The following MYL1 variants were observed in gnomAD, a reference collection of about 807,000 sequenced individuals.
MYL1 encodes myosin light chain 1/3, skeletal muscle isoform.
Under a neutral mutation model 21.8 loss-of-function variants are expected in MYL1, and 16 were observed. The observed-to-expected ratio is 0.74, with a 90% CI of 0.50 to 1.12. The LOEUF is 1.12. Ranked by LOEUF, MYL1 falls within the 50% of genes most tolerant of loss-of-function variation. MYL1 has a pLI of 0.00. For missense variants in MYL1, 246 were observed against 241.0 expected, an observed-to-expected ratio of 1.02 and a Z score of -0.14; for synonymous variants, 99 against 85.2, an observed-to-expected ratio of 1.16 and a Z score of -0.89.
intron 2 of MYL1, among the ~76,000 whole-genome samples, chr2:210,300,560 C>A (rs1483762816): frequency 2.6e-5 from 4 of 152,042 alleles, no homozygotes; most frequent in Admixed American, 1.3e-4. Context: ...AGTTCGCTAA[C>A]TTCTGGTCTA....
intron 3 of MYL1, among the ~76,000 whole-genome samples, chr2:210,298,127 T>C (rs1690205148): frequency 6.6e-6 from 1 of 152,120 alleles, no homozygotes; most frequent in African/African-American, 2.4e-5. Context: ...TAATATCTAA[T>C]GCTTAACATT....
intron 1 of MYL1, among the ~76,000 whole-genome samples, chr2:210,304,598 A>G (rs1330243096): frequency 6.6e-6 from 1 of 152,204 alleles, no homozygotes; most frequent in Non-Finnish European, 1.5e-5. Context: ...GCTGGAGTGC[A>G]ATGGCACAAT....
intron 1 of MYL1, among the ~76,000 whole-genome samples, chr2:210,308,607 A>G (rs2125744099): frequency 6.6e-6 from 1 of 151,490 alleles, no homozygotes; most frequent in South Asian, 2.1e-4. Flanking sequence ...AGATCAGTCA[A>G]CTGAATTCAG....
chr2:210,301,158 C>T (rs1690259697), intron 2 of MYL1, among the ~76,000 whole-genome samples: 1 of 152,036 alleles, frequency 6.6e-6, no homozygotes, highest in African/African-American at 2.4e-5. Context: ...GACTGGGATG[C>T]AGTAGGTGAC....
At chr2:210,291,948 C>G (rs909514448) in intron 5 of MYL1, among the ~76,000 whole-genome samples, 6 of 152,280 alleles carry the variant, frequency 3.9e-5, no homozygotes, top group Admixed American at 3.3e-4. Context: ...TAACAACATG[C>G]ATTCCCATCA....
intron 5 of MYL1, among the ~76,000 whole-genome samples, chr2:210,293,105 T>C (rs1357480994): frequency 1.3e-5 from 2 of 152,186 alleles, no homozygotes; most frequent in Non-Finnish European, 2.9e-5. Context: ...GATAGAAACA[T>C]TTTTAAATTT....
At chr2:210,309,006 T>C (rs1690379787) in intron 1 of MYL1, among the ~76,000 whole-genome samples, 1 of 152,100 alleles carries the variant, frequency 6.6e-6, no homozygotes, top group African/African-American at 2.4e-5. Context: ...CTTCAAGAAC[T>C]TGTGGAAAGA....
intron 3 of MYL1, among the ~76,000 whole-genome samples, 186 bp downstream of exon 3, chr2:210,298,234 G>A (rs1690206260): frequency 6.6e-6 from 1 of 151,532 alleles, no homozygotes; most frequent in Non-Finnish European, 1.5e-5. Context: ...TGGCCAAGAG[G>A]CACACTTACC....
At chr2:210,306,535 A>G (rs570871108) in intron 1 of MYL1, among the ~76,000 whole-genome samples, 9 of 152,288 alleles carry the variant, frequency 5.9e-5, no homozygotes, top group Non-Finnish European at 1.0e-4. Flanking sequence ...TTTATCACAT[A>G]GAGAATGCAT....
intron 1 of MYL1, among the ~76,000 whole-genome samples, chr2:210,310,815 C>T (rs552215843): frequency 1.3e-5 from 2 of 152,136 alleles, no homozygotes; most frequent in South Asian, 2.1e-4. Context: ...ACCACTCTAC[C>T]TCATACCCTT....
intron 5 of MYL1, among the ~76,000 whole-genome samples, chr2:210,292,227 C>T (rs1447506347): frequency 1.3e-5 from 2 of 152,144 alleles, no homozygotes; most frequent in African/African-American, 4.8e-5. Context: ...TGTGTGCCAT[C>T]ACGCCCAGCT....
chr2:210,303,739 G>A (rs1454074796), intron 1 of MYL1: 5 of 590,616 alleles, frequency 8.5e-6, no homozygotes, highest in Non-Finnish European at 1.4e-5. Context: ...TTAGGGCAAA[G>A]GGAAAGATGG....
At chr2:210,292,912 G>A (rs957581068) in intron 5 of MYL1, among the ~76,000 whole-genome samples, 4 of 152,004 alleles carry the variant, frequency 2.6e-5, no homozygotes, top group Non-Finnish European at 4.4e-5. Context: ...AAGAATTGTC[G>A]ACGGGGAAAA....
intron 1 of MYL1, chr2:210,303,043 CTA>C: frequency 1.9e-6 from 1 of 530,392 alleles, no homozygotes; most frequent in Admixed American, 3.5e-5. Flanking sequence ...GAAAAATAAT[CTA>C]TAGTATATTT....
intron 1 of MYL1, among the ~76,000 whole-genome samples, 190 bp downstream of exon 1, chr2:210,314,721 C>T (rs968818129): frequency 6.6e-6 from 1 of 152,106 alleles, no homozygotes; most frequent in African/African-American, 2.4e-5. Flanking sequence ...CATATGATAC[C>T]ATACTCTAAT....
intron 4 of MYL1, 33 bp from the exon 5 acceptor site, chr2:210,293,833 G>A (rs771783791): frequency 6.3e-7 from 1 of 1,598,290 alleles, no homozygotes; most frequent in South Asian, 1.1e-5. Context: ...TCAGAAAGAA[G>A]GCCATGTGTT....
intron 3 of MYL1, 44 bp downstream of exon 3, chr2:210,298,376 A>G (rs1387406235): frequency 6.4e-7 from 1 of 1,571,042 alleles, no homozygotes; most frequent in African/African-American, 1.4e-5. Context: ...ACTGCTACAC[A>G]CTTCCCTATA....
intron 2 of MYL1, 123 bp downstream of exon 2, chr2:210,302,365 A>G: frequency 1.2e-6 from 1 of 820,456 alleles, no homozygotes; most frequent in Non-Finnish European, 1.8e-6. Flanking sequence ...AGCAATTTAT[A>G]TTCAGAATGG....
In MYL1 at chr2:210,296,408, T is replaced by C. The variant is rs111967561; in HGVS notation, c.305-1990A>G. Among the ~76,000 whole-genome samples, 715 of 152,296 alleles carry C rather than the reference T, an allele frequency of 4.7e-3. 6 individuals are homozygous for C. The highest frequency in any genetic ancestry group is 0.016 in the African/African-American group (681 of 41,564). On this transcript the variant is annotated intron_variant, in intron 3 of 6. Coordinates refer to ENST00000352451, the MANE Select transcript of MYL1 (RefSeq NM_079420.3). The stretch of plus-strand genomic sequence containing the variant: ...CTCCAATCTAGTTATAATTTTGTAT[T>C]CATTTACTGACCTCTGGCTATGTCT...
Sources: allele counts gnomAD v4.1 joint callset (sites outside exome capture counted in the v4.1 genomes callset), GRCh38; gene constraint gnomAD v4.1.1; transcripts MANE v1.5; gene names NCBI Gene and HGNC (gene_info 2026-07-23, HGNC 2026-07-21).